CACNA2D3: variants seen among roughly 807,000 people sequenced by gnomAD.
CACNA2D3 encodes voltage-dependent calcium channel subunit alpha-2/delta-3.
A neutral mutation model predicts 160.6 loss-of-function variants in CACNA2D3; 60 were observed. The ratio of observed to expected loss-of-function variants is 0.37; its 90% CI spans 0.30 to 0.46. CACNA2D3 has a LOEUF of 0.46. Ranked by LOEUF, CACNA2D3 falls within the 20% of genes least tolerant of loss-of-function variation. CACNA2D3 has a pLI of 1.00. For missense variants in CACNA2D3, 1,205 were observed against 1,365.0 expected, an observed-to-expected ratio of 0.88 and a Z score of 1.85; for synonymous variants, 558 against 492.9, an observed-to-expected ratio of 1.13 and a Z score of -1.75.
chr3:54,419,486 T>TA (rs1216287617), intron 4 of CACNA2D3, among the ~76,000 whole-genome samples: 1 of 152,232 alleles, frequency 6.6e-6, no homozygotes, highest in Admixed American at 6.5e-5. Context: ...TATACTATTG[T>TA]TCCAATTTCA....
chr3:54,258,093 C>T (rs1046097270), intron 2 of CACNA2D3, among the ~76,000 whole-genome samples: 1 of 152,202 alleles, frequency 6.6e-6, no homozygotes, highest in East Asian at 1.9e-4. Flanking sequence ...GCATAGTAAC[C>T]TTCACGGCCT....
chr3:54,681,189 C>G (rs1700341208), intron 11 of CACNA2D3, among the ~76,000 whole-genome samples: 1 of 151,606 alleles, frequency 6.6e-6, no homozygotes, highest in Non-Finnish European at 1.5e-5. Flanking sequence ...GTGACCATAT[C>G]TCTCAAGTCT....
rs1575345395 is a variant in CACNA2D3 at position 54,252,099 on chromosome 3, A to ATTTTTTTTTTTT, written c.205-68343_205-68342insTTTTTTTTTTTT. 1.4e-4 allele frequency among the ~76,000 whole-genome samples: 10 copies of ATTTTTTTTTTTT among 71,526 alleles called. 1 individual carries two copies. The highest frequency in any genetic ancestry group is 7.4e-4 in the African/African-American group (9 of 12,162). 46.9% of individuals were successfully genotyped at this position (71,526 alleles called of 152,430 possible). On this transcript the variant is annotated intron_variant, in intron 2 of 37. Coordinates refer to ENST00000474759, the MANE Select transcript of CACNA2D3 (RefSeq NM_018398.3). ...TTCCAATTTCTCTTTTTGCAGAGCT[A>ATTTTTTTTTTTT]GTTTTTTTTTTTTTTGTACGATACT...
intron 10 of CACNA2D3, among the ~76,000 whole-genome samples, chr3:54,630,434 G>A (rs565474991): frequency 1.3e-5 from 2 of 152,164 alleles, no homozygotes; most frequent in East Asian, 1.9e-4. Flanking sequence ...GTTTAATGCC[G>A]GCCTGCCAAG....
chr3:54,299,453 G>T (rs1403416180), intron 2 of CACNA2D3, among the ~76,000 whole-genome samples: 1 of 152,132 alleles, frequency 6.6e-6, no homozygotes, highest in African/African-American at 2.4e-5. Context: ...TTTCACTTTC[G>T]GTGTTTGGCT....
chr3:54,637,824 C>T (rs1699412028), intron 10 of CACNA2D3: 1 of 151,996 alleles, frequency 6.6e-6, no homozygotes, highest in African/African-American at 2.4e-5. Context: ...GGAGTGGCTG[C>T]CAGGTGAGTT....
intron 5 of CACNA2D3, among the ~76,000 whole-genome samples, chr3:54,541,255 C>T (rs1227219025): frequency 2.7e-5 from 3 of 112,716 alleles, no homozygotes; most frequent in South Asian, 3.1e-4. Context: ...CCAGCCTGGG[C>T]AACAGAGCAA....
intron 3 of CACNA2D3, among the ~76,000 whole-genome samples, chr3:54,350,367 A>G (rs1698531202): frequency 6.6e-6 from 1 of 152,092 alleles, no homozygotes; most frequent in Non-Finnish European, 1.5e-5. Context: ...TAAATTAAGC[A>G]TCTATTGCAT....
At chr3:54,367,332 C>T (rs1214624878) in intron 3 of CACNA2D3, among the ~76,000 whole-genome samples, 2 of 152,180 alleles carry the variant, frequency 1.3e-5, no homozygotes, top group African/African-American at 2.4e-5. Flanking sequence ...CAGTTCTGCT[C>T]CTAGCCCCGT....
At chr3:54,129,913 T>C (rs1699675203) in intron 2 of CACNA2D3, among the ~76,000 whole-genome samples, 2 of 152,172 alleles carry the variant, frequency 1.3e-5, no homozygotes, top group South Asian at 4.1e-4. Flanking sequence ...GGAAGACTGT[T>C]CTTGTCCTCT....
At chr3:54,151,751 C>G (rs960954245) in intron 2 of CACNA2D3, among the ~76,000 whole-genome samples, 1 of 152,212 alleles carries the variant, frequency 6.6e-6, no homozygotes, top group Non-Finnish European at 1.5e-5. Context: ...CTGCCTGCTC[C>G]TTAAGCCCTT....
intron 9 of CACNA2D3, among the ~76,000 whole-genome samples, chr3:54,595,456 C>G (rs1196213460): frequency 6.6e-6 from 1 of 152,018 alleles, no homozygotes; most frequent in African/African-American, 2.4e-5. Flanking sequence ...CTGGCAGTGA[C>G]CTGGTGGTTG....
At chr3:55,061,153 T>G (rs559262843) in intron 35 of CACNA2D3, among the ~76,000 whole-genome samples, 2 of 152,388 alleles carry the variant, frequency 1.3e-5, no homozygotes, top group South Asian at 4.1e-4. Flanking sequence ...TCTGGCTTTT[T>G]GTGTGCTTTC....
At chr3:54,824,131 G>A (rs1703699236) in intron 14 of CACNA2D3, among the ~76,000 whole-genome samples, 1 of 152,170 alleles carries the variant, frequency 6.6e-6, no homozygotes. Context: ...GAAGGACAAA[G>A]GTTTATAAAC....
intron 11 of CACNA2D3, among the ~76,000 whole-genome samples, chr3:54,683,850 A>G (rs1700398354): frequency 6.6e-6 from 1 of 151,408 alleles, no homozygotes; most frequent in African/African-American, 2.4e-5. Context: ...CCTAGCTTCT[A>G]GTGGTTGCTA....
intron 13 of CACNA2D3, among the ~76,000 whole-genome samples, chr3:54,802,840 C>T (rs533543261): frequency 4.6e-5 from 7 of 152,304 alleles, no homozygotes; most frequent in Admixed American, 2.6e-4. Flanking sequence ...CTCACACGGC[C>T]GGGTACTCCT....
At chr3:54,864,410 A>G (rs532355836) in intron 17 of CACNA2D3, among the ~76,000 whole-genome samples, 8 of 152,190 alleles carry the variant, frequency 5.3e-5, no homozygotes, top group African/African-American at 1.9e-4. Context: ...AGTAGCTAGG[A>G]CTACGGCACA....
At chr3:55,013,315 C>T (rs189208855) in intron 34 of CACNA2D3, among the ~76,000 whole-genome samples, 8 of 152,304 alleles carry the variant, frequency 5.3e-5, no homozygotes, top group Non-Finnish European at 8.8e-5. Context: ...CAGCTAATGA[C>T]GACAGCGAGA....
chr3:54,904,001 A>G (rs933430155), intron 27 of CACNA2D3, among the ~76,000 whole-genome samples: 2 of 152,152 alleles, frequency 1.3e-5, no homozygotes, highest in Non-Finnish European at 2.9e-5. Context: ...CTCCCACAGA[A>G]TGGGTAATTT....
Sources: allele counts gnomAD v4.1 joint callset (sites outside exome capture counted in the v4.1 genomes callset), GRCh38; gene constraint gnomAD v4.1.1; transcripts MANE v1.5; gene names NCBI Gene and HGNC (gene_info 2026-07-23, HGNC 2026-07-21).